Variants in WIPI1 observed in about 807,000 individuals in gnomAD.
WIPI1 encodes the protein WD repeat domain, phosphoinositide interacting 1.
In WIPI1, 45 loss-of-function variants were observed where a neutral mutation model predicts 55.3. The observed-to-expected ratio is 0.81, with a 90% CI of 0.64 to 1.04. WIPI1 has a LOEUF of 1.04. Among genes scored for constraint, WIPI1 ranks in the 50% least tolerant of loss-of-function variants. The probability of loss-of-function intolerance (pLI) is 0.00; values close to 1 mark genes in which losing one functional copy is unlikely to be tolerated. For missense variants in WIPI1, 445 were observed against 559.0 expected (o/e 0.80, Z 2.06); for synonymous variants, 195 against 217.6 (o/e 0.90, Z 0.92).
At chr17:68,450,539 AAAC>A in intron 3 of WIPI1, among the ~76,000 whole-genome samples, 186 bp downstream of exon 3, 1 of 152,342 alleles carries the variant, frequency 6.6e-6, no homozygotes, top group East Asian at 1.9e-4. Context: ...GGTCTAGGGA[AAAC>A]AACGTTACAA....
chr17:68,438,340 A>G (rs1214152236), intron 4 of WIPI1, among the ~76,000 whole-genome samples: 3 of 152,148 alleles, frequency 2.0e-5, no homozygotes, highest in Admixed American at 1.3e-4. Flanking sequence ...GGAAACCCCA[A>G]TTCCTCACCC....
At chr17:68,444,060 T>C (rs2084186230) in intron 4 of WIPI1, among the ~76,000 whole-genome samples, 1 of 152,238 alleles carries the variant, frequency 6.6e-6, no homozygotes, top group Non-Finnish European at 1.5e-5. Context: ...ATAAAACATA[T>C]TCTTTATGGT....
rs5821653 is a variant in WIPI1, at chr17:68,447,984, CAAA to C, written c.333+2741_333+2743del. On this transcript the variant is annotated intron_variant, in intron 3 of 12. Coordinates refer to ENST00000262139, the MANE Select transcript of WIPI1 (RefSeq NM_017983.7). ...TGGGCAACAGAGTGAGACTCTATCT[CAAA>C]AAAAAAAAAAAAAAAAAAAGATAAA... Among the ~76,000 whole-genome samples, 217 of 80,236 alleles carry C rather than the reference CAAA, an allele frequency of 2.7e-3. 2 individuals are homozygous for C. The highest frequency in any genetic ancestry group is 8.7e-3 in the African/African-American group (186 of 21,370). The allele number at this position is 80,236 out of a possible 152,430, so 52.6% of individuals were successfully genotyped here.
intron 3 of WIPI1, among the ~76,000 whole-genome samples, chr17:68,450,418 G>A (rs1020058918): frequency 6.6e-6 from 1 of 152,196 alleles, no homozygotes; most frequent in African/African-American, 2.4e-5. Flanking sequence ...GGTGGCTCAT[G>A]GGACTGTCCA....
intron 3 of WIPI1, among the ~76,000 whole-genome samples, chr17:68,450,384 TC>T (rs1210917901): frequency 6.6e-6 from 1 of 152,144 alleles, no homozygotes; most frequent in Admixed American, 6.5e-5. Flanking sequence ...GAAGAGTCGC[TC>T]CTCTGATTTA....
intron 1 of WIPI1, among the ~76,000 whole-genome samples, chr17:68,456,283 G>A (rs933640910): frequency 1.3e-5 from 2 of 152,196 alleles, no homozygotes; most frequent in African/African-American, 4.8e-5. Flanking sequence ...AAACATAAAG[G>A]GAATGGAAGC....
At chr17:68,429,865 A>G (rs1711784046) in intron 9 of WIPI1, 131 bp downstream of exon 9, 9 of 1,335,764 alleles carry the variant, frequency 6.7e-6, no homozygotes, top group East Asian at 2.4e-5. Flanking sequence ...CCGGGATTAC[A>G]GATGTAAGCC....
At chr17:68,426,254 G>GCC in intron 11 of WIPI1, 79 bp from the exon 12 acceptor site, 1 of 816,924 alleles carries the variant, frequency 1.2e-6, no homozygotes, top group African/African-American at 1.7e-5. Flanking sequence ...GGGAGCGGGG[G>GCC]CTCAAATAAA....
At chr17:68,444,731 G>C (rs1600358148) in intron 3 of WIPI1, 142 bp from the exon 4 acceptor site, 1 of 619,094 alleles carries the variant, frequency 1.6e-6, no homozygotes, top group East Asian at 2.9e-5. Flanking sequence ...TGAAGATTGT[G>C]TTTATGGATG....
intron 7 of WIPI1, 93 bp downstream of exon 7, chr17:68,434,463 G>C: frequency 2.2e-6 from 3 of 1,349,060 alleles, no homozygotes; most frequent in South Asian, 2.6e-5. Flanking sequence ...GGAGGGCACA[G>C]AGCCACTCTC....
chr17:68,450,138 T>C (rs776511275), intron 3 of WIPI1, among the ~76,000 whole-genome samples: 6 of 149,966 alleles, frequency 4.0e-5, no homozygotes, highest in Admixed American at 6.7e-5. Context: ...GAGATCAGAA[T>C]AATCCTTCAA....
At chr17:68,443,943 C>T (rs576131658) in intron 4 of WIPI1, among the ~76,000 whole-genome samples, 18 of 152,284 alleles carry the variant, frequency 1.2e-4, no homozygotes, top group African/African-American at 4.3e-4. Flanking sequence ...CAAACCATTC[C>T]TCTTCTTATA....
chr17:68,449,307 T>C (rs1328404847), intron 3 of WIPI1, among the ~76,000 whole-genome samples: 1 of 152,236 alleles, frequency 6.6e-6, no homozygotes, highest in Non-Finnish European at 1.5e-5. Context: ...GGTCGTATAA[T>C]GGTGAACACA....
At position 68,428,815 on chromosome 17, in the gene WIPI1, A is replaced by T; in HGVS notation, c.1073+14T>A. 1 of 1,599,762 alleles carries T rather than the reference A, an allele frequency of 6.3e-7. No individual in the cohort carries two copies. The highest frequency in any genetic ancestry group is 8.6e-7 in the Non-Finnish European group (1 of 1,167,402). On this transcript the variant is annotated intron_variant, in intron 10 of 12. Coordinates refer to ENST00000262139, the MANE Select transcript of WIPI1 (RefSeq NM_017983.7). ...GCTCTCGAAAGGCTGTCTTTTGAAAAGCAGTCTCTTCACCTGTGGGTTTTG... is the reference window on the plus strand; with the variant it reads ...GCTCTCGAAAGGCTGTCTTTTGAAATGCAGTCTCTTCACCTGTGGGTTTTG...
At position 68,453,925 on chromosome 17, in the gene WIPI1, T is replaced by C. The variant is rs558300030; in HGVS notation, c.81-933A>G. Among the ~76,000 whole-genome samples the C allele has an allele frequency of 1.9e-4, 29 of 152,314 alleles. 1 individual carries two copies. In the South Asian group the frequency reaches 2.9e-3, roughly 15 times the overall value. ...TATTAAACTCAGCTGGGAAGTTTAA[T>C]TGGATTTGAAGTTCAAGTATTCTAA... On this transcript the variant is annotated intron_variant, in intron 1 of 12. Coordinates refer to ENST00000262139, the MANE Select transcript of WIPI1 (RefSeq NM_017983.7).
At position 68,423,159 on chromosome 17, in the gene WIPI1, A is replaced by G. The variant is rs2082921841; in HGVS notation, c.1294-1339T>C. Among the ~76,000 whole-genome samples the G allele has an allele frequency of 6.6e-6, 1 of 152,178 alleles. No individual in the cohort carries two copies. Among genetic ancestry groups the G allele is most frequent in the South Asian group, 2.1e-4 (1 of 4,836 alleles). On this transcript the variant is annotated intron_variant, in intron 12 of 12. Coordinates refer to ENST00000262139, the MANE Select transcript of WIPI1 (RefSeq NM_017983.7). This position sits in a 1 kb window ranked among gnomAD's most constrained non-coding sequence, Gnocchi z 4.4. ...CTCCAAGAGCCTTTTGTGGTCCTAG[A>G]AGATTTTAAGGAATGTGAGTAAAGA...
At chr17:68,426,254 G>GCCCCCCCCCCCCCCCC in intron 11 of WIPI1, 79 bp from the exon 12 acceptor site, 3 of 816,920 alleles carry the variant, frequency 3.7e-6, no homozygotes, top group African/African-American at 1.7e-5. Context: ...GGGAGCGGGG[G>GCCCCCCCCCCCCCCCC]CTCAAATAAA....
At chr17:68,452,515 A>C (rs1207174139) in intron 2 of WIPI1, among the ~76,000 whole-genome samples, 1 of 152,220 alleles carries the variant, frequency 6.6e-6, no homozygotes, top group Non-Finnish European at 1.5e-5. Flanking sequence ...CAGTGAGCCA[A>C]GATCGTGCCA....
chr17:68,436,625 G>T, intron 4 of WIPI1, 146 bp from the exon 5 acceptor site: 1 of 668,568 alleles, frequency 1.5e-6, no homozygotes, highest in Non-Finnish European at 2.5e-6. Flanking sequence ...TTCCGCTGAT[G>T]ATTCTTCTGA....
Sources: gnomAD v4.1 joint callset for allele counts (sites outside exome capture counted in the v4.1 genomes callset) on GRCh38, gnomAD v4.1.1 for gene constraint, Gnocchi (gnomAD v3.1) non-coding constraint, MANE v1.5 for transcripts, NCBI Gene and HGNC (gene_info 2026-07-23, HGNC 2026-07-21) for gene names.